The following GLI2 variants were observed in gnomAD, a reference collection of about 807,000 sequenced individuals.
GLI2 encodes transcription activator GLI2.
Under a neutral mutation model 78.9 loss-of-function variants are expected in GLI2, and 22 were observed. That is an observed-to-expected ratio of 0.28 (90% CI 0.20 to 0.40). The LOEUF (loss-of-function observed/expected upper bound fraction) is 0.40. Among genes scored for constraint, GLI2 ranks in the 10% least tolerant of loss-of-function variants. The pLI, the probability that GLI2 is intolerant of heterozygous loss-of-function variation, is 1.00. For missense variants in GLI2, 2,097 were observed against 2,213.2 expected (o/e 0.95, Z 1.05); for synonymous variants, 974 against 963.7 (o/e 1.01, Z -0.20).
chr2:120,982,580 A>G, intron 10 of GLI2, 136 bp from the exon 11 acceptor site: 2 of 688,880 alleles, frequency 2.9e-6, no homozygotes, highest in South Asian at 2.2e-5. Flanking sequence ...AAGGAAAGTA[A>G]TATCCTTAAA....
chr2:120,788,147 T>C (rs772794909), intron 1 of GLI2, among the ~76,000 whole-genome samples: 1 of 152,230 alleles, frequency 6.6e-6, no homozygotes, highest in Non-Finnish European at 1.5e-5. Flanking sequence ...GAGAAGTTGA[T>C]TCTTGTCGAC....
Position 120,800,659 on chromosome 2 carries a change from C to T in GLI2, c.148+3191C>T, listed in dbSNP as rs1684664210. Among the ~76,000 whole-genome samples, 3 of 151,950 alleles carry T rather than the reference C, an allele frequency of 2.0e-5. No homozygotes were observed. Among genetic ancestry groups the T allele is most frequent in the Admixed American group, 1.3e-4 (2 of 15,268 alleles). Reference sequence around the variant, plus strand: ...AGCTGGGACTACAGGCACCCGCCACCACACCTGGCTAATTTTTTTGTATTT... The same window carrying T: ...AGCTGGGACTACAGGCACCCGCCACTACACCTGGCTAATTTTTTTGTATTT... On this transcript the variant is annotated intron_variant, in intron 2 of 13. Coordinates refer to ENST00000361492, the MANE Select transcript of GLI2 (RefSeq NM_001374353.1). This position sits in a 1 kb window ranked among gnomAD's most constrained non-coding sequence, Gnocchi z 4.1.
At position 120,988,653 on chromosome 2, in the gene GLI2, G is replaced by C; in HGVS notation, c.2688G>C (p.Leu896=). 7.1e-7 allele frequency: 1 copy of C among 1,416,084 alleles called. No homozygotes were observed. Among genetic ancestry groups the C allele is most frequent in the Non-Finnish European group, 9.2e-7 (1 of 1,088,662 alleles). 87.7% of individuals were successfully genotyped at this position (1,416,084 alleles called of 1,614,324 possible). A position where few individuals can be genotyped will look rare whatever the true frequency, so the allele number is the denominator to read the frequency against. Residue 896 remains leucine (L), a synonymous_variant, in exon 14 of 14, where the codon CTG becomes CTC. Coordinates refer to ENST00000361492, the MANE Select transcript of GLI2 (RefSeq NM_001374353.1). ...TGCCGGGCCTGGAGCGCATGAGCCT[G>C]CGGACCAGGCTGGCGCTGCTGGACG... ...TPLPGLERMS[L]RTRLALLDAP... is the part of the protein sequence containing the mutation.
rs562023906 is a variant in GLI2 at position 120,958,864 on chromosome 2, G to A, written c.643+3434G>A. Among the ~76,000 whole-genome samples, 445 of 152,344 alleles carry A rather than the reference G, an allele frequency of 2.9e-3. 1 individual carries two copies. Among genetic ancestry groups the A allele is most frequent in the African/African-American group, 0.01 (434 of 41,570 alleles). ...GGCGCCCCCAACTGGAACTGGCTGG[G>A]ACTTCTCCTTACGTATGGCCGATGG... On this transcript the variant is annotated intron_variant, in intron 5 of 13. Coordinates refer to ENST00000361492, the MANE Select transcript of GLI2 (RefSeq NM_001374353.1).
intron 2 of GLI2, among the ~76,000 whole-genome samples, chr2:120,799,605 C>T (rs1191997459): frequency 2.0e-5 from 3 of 152,206 alleles, no homozygotes; most frequent in Non-Finnish European, 2.9e-5. Context: ...GCGACGGCTG[C>T]ATTCGTGGAT....
At chr2:120,816,239 G>A (rs550519296) in intron 2 of GLI2, among the ~76,000 whole-genome samples, 1 of 139,464 alleles carries the variant, frequency 7.2e-6, no homozygotes, top group South Asian at 2.3e-4. Flanking sequence ...CGCCCAGACT[G>A]GAGTGCAGTG....
chr2:120,980,736 A>G (rs1221059340), intron 10 of GLI2, among the ~76,000 whole-genome samples: 3 of 152,174 alleles, frequency 2.0e-5, no homozygotes, highest in Non-Finnish European at 4.4e-5. Context: ...TTCTTCTAAG[A>G]GTTTTATAGT....
Position 120,951,020 on chromosome 2 carries a change from C to T in GLI2, c.255-223C>T, listed in dbSNP as rs60640022. 0.1 allele frequency among the ~76,000 whole-genome samples: 15,407 copies of T among 152,184 alleles called. 2,493 individuals are homozygous for T. Among genetic ancestry groups the T allele is most frequent in the African/African-American group, 0.35 (14,318 of 41,484 alleles). ...AGCGTGGAACTGGCCGGCGGGTGCA[C>T]GCACCAGCGTGGAGCTTTCACTCTG... On this transcript the variant is annotated intron_variant, in intron 3 of 13. Transcript: ENST00000361492.
chr2:120,773,269 T>C (rs1029357477), intron 1 of GLI2, among the ~76,000 whole-genome samples: 2 of 152,150 alleles, frequency 1.3e-5, no homozygotes, highest in East Asian at 3.9e-4. Context: ...AGCGTAGGCC[T>C]GTAGCATCCG....
chr2:120,907,617 G>T (rs1558873465), intron 2 of GLI2, among the ~76,000 whole-genome samples: 1 of 152,216 alleles, frequency 6.6e-6, no homozygotes. Context: ...GGCAGGGCAG[G>T]TGGCTGCTTA....
At chr2:120,757,896 C>T (rs926101378) in intron 1 of GLI2, among the ~76,000 whole-genome samples, 2 of 152,202 alleles carry the variant, frequency 1.3e-5, no homozygotes, top group Non-Finnish European at 2.9e-5. Context: ...GCCATTGTTT[C>T]CATGGTTTTG....
At chr2:120,839,105 T>C (rs1481137101) in intron 2 of GLI2, among the ~76,000 whole-genome samples, 1 of 152,040 alleles carries the variant, frequency 6.6e-6, no homozygotes, top group Non-Finnish European at 1.5e-5. Flanking sequence ...AATTTTCAAC[T>C]AAATTAACCT....
chr2:120,890,147 A>G, intron 2 of GLI2, among the ~76,000 whole-genome samples: 1 of 152,246 alleles, frequency 6.6e-6, no homozygotes, highest in East Asian at 1.9e-4. Flanking sequence ...GACAAACCAT[A>G]GATGCCTGTA....
intron 1 of GLI2, among the ~76,000 whole-genome samples, chr2:120,761,522 A>G (rs1683211353): frequency 1.3e-5 from 2 of 152,072 alleles, no homozygotes; most frequent in African/African-American, 4.8e-5. Context: ...GGAATTTGCA[A>G]CTGGAACCCA....
At chr2:120,947,874 C>T (rs1458249918) in intron 3 of GLI2, among the ~76,000 whole-genome samples, 1 of 152,206 alleles carries the variant, frequency 6.6e-6, no homozygotes, top group African/African-American at 2.4e-5. Context: ...CTCTGTGGCT[C>T]ACATCCCCCT....
Position 120,758,857 on chromosome 2 carries a change from A to T in GLI2, c.-31+22572A>T, listed in dbSNP as rs571906155. Among the ~76,000 whole-genome samples, 31 of 152,268 alleles carry T rather than the reference A, an allele frequency of 2.0e-4. No homozygotes were observed. In the East Asian group the frequency reaches 5.6e-3, roughly 28 times the overall value. Reference sequence around the variant, plus strand: ...GGCCACTCCTACCATCTCGTTGCACAGAAGGGGAGGGGCAGTGGTGGTGAC... The same window carrying T: ...GGCCACTCCTACCATCTCGTTGCACTGAAGGGGAGGGGCAGTGGTGGTGAC... On this transcript the variant is annotated intron_variant, in intron 1 of 13. Coordinates refer to ENST00000361492, the MANE Select transcript of GLI2 (RefSeq NM_001374353.1).
In GLI2 at chr2:120,838,017, A is replaced by C. The variant is rs72835565; in HGVS notation, c.148+40549A>C. Among the ~76,000 whole-genome samples the C allele has an allele frequency of 5.0e-3, 767 of 152,338 alleles. 3 individuals carry two copies. Among genetic ancestry groups the C allele is most frequent in the Non-Finnish European group, 6.9e-3 (468 of 68,040 alleles). ...TAGGATCAACTTGTTAGAGTCCTGAAAATCCCTGTTGGGGTTTTGATTATA... is the reference window on the plus strand; with the variant it reads ...TAGGATCAACTTGTTAGAGTCCTGACAATCCCTGTTGGGGTTTTGATTATA... On this transcript the variant is annotated intron_variant, in intron 2 of 13. Coordinates refer to ENST00000361492, the MANE Select transcript of GLI2 (RefSeq NM_001374353.1).
intron 2 of GLI2, among the ~76,000 whole-genome samples, chr2:120,836,804 T>C (rs1686633669): frequency 6.6e-6 from 1 of 152,244 alleles, no homozygotes. Context: ...AGGGTAGATG[T>C]GCTGGGCTGT....
At chr2:120,965,861 A>G (rs1681827491) in intron 5 of GLI2, among the ~76,000 whole-genome samples, 1 of 152,178 alleles carries the variant, frequency 6.6e-6, no homozygotes, top group Admixed American at 6.5e-5. Context: ...GCTGTAAGAG[A>G]AAGAAGGAGT....
Sources: allele counts gnomAD v4.1 joint callset (sites outside exome capture counted in the v4.1 genomes callset), GRCh38; gene constraint gnomAD v4.1.1; non-coding constraint Gnocchi (gnomAD v3.1); transcripts MANE v1.5; gene names NCBI Gene and HGNC (gene_info 2026-07-23, HGNC 2026-07-21).